The following LARS1 variants were observed in gnomAD, a reference collection of about 807,000 sequenced individuals.
The protein encoded by LARS1 is leucine--tRNA ligase, cytoplasmic.
Under a neutral mutation model 162.8 loss-of-function variants are expected in LARS1, and 100 were observed. That is an observed-to-expected ratio of 0.61 (90% CI 0.52 to 0.73). LARS1 has a LOEUF of 0.73. Ranked by LOEUF, LARS1 falls within the 30% of genes least tolerant of loss-of-function variation. The pLI is 0.00. For synonymous variants in LARS1, 457 were observed against 462.8 expected (o/e 0.99, Z 0.16); for missense variants, 1,258 against 1,408.9 (o/e 0.89, Z 1.71).
intron 20 of LARS1, 130 bp downstream of exon 20, chr5:146,142,742 A>T: frequency 1.4e-6 from 1 of 705,428 alleles, no homozygotes; most frequent in Non-Finnish European, 2.3e-6. Flanking sequence ...GTACATATTT[A>T]AGATAAGAAA....
At position 146,159,329 on chromosome 5, in the gene LARS1, T is replaced by G; in HGVS notation, c.771+78A>C. ...TCCCTCAGCACTACAAAGAAGTTAT[T>G]TTTAGGTTTCTATTTCTTAAACTCT... On this transcript the variant is annotated intron_variant, in intron 8 of 31. Transcript: ENST00000394434. The G allele has an allele frequency of 3.4e-6, 4 of 1,182,900 alleles. No individual in the cohort carries two copies. The South Asian group carries it at 5.2e-5, about 15-fold the overall frequency. The allele number at this position is 1,182,900 out of a possible 1,614,324, so 73.3% of individuals were successfully genotyped here. A position where few individuals can be genotyped will look rare whatever the true frequency, so the allele number is the denominator to read the frequency against.
At chr5:146,153,871 T>C (rs368247523) in intron 11 of LARS1, 22 bp downstream of exon 11, 250 of 1,607,708 alleles carry the variant, frequency 1.6e-4, no homozygotes, top group Non-Finnish European at 2.0e-4. Flanking sequence ...AAAATATTTC[T>C]AGAAATAAAT....
chr5:146,125,052 A>G (rs1187464900), intron 28 of LARS1, among the ~76,000 whole-genome samples: 1 of 151,808 alleles, frequency 6.6e-6, no homozygotes, highest in Non-Finnish European at 1.5e-5. Context: ...ACATATACAC[A>G]TAACTACTTT....
At chr5:146,156,447 A>C (rs113171930) in intron 10 of LARS1, among the ~76,000 whole-genome samples, 1 of 152,186 alleles carries the variant, frequency 6.6e-6, no homozygotes, top group African/African-American at 2.4e-5. Flanking sequence ...TAATCCCTGC[A>C]CTTTGGGAGG....
chr5:146,148,387 TAAG>T (rs1320947012), intron 15 of LARS1, among the ~76,000 whole-genome samples: 1 of 152,038 alleles, frequency 6.6e-6, no homozygotes, highest in Non-Finnish European at 1.5e-5. Flanking sequence ...TTGAACTGAG[TAAG>T]AAAAGAAATA....
rs531865973 is a variant in LARS1 at position 146,114,101 on chromosome 5, T to C, written c.*5A>G. On this transcript the variant is annotated 3_prime_UTR_variant, in exon 32 of 32. Coordinates refer to ENST00000394434, the MANE Select transcript of LARS1 (RefSeq NM_020117.11). ...AACCAGGATAAATCTCCAATGTGCA[T>C]GAGTTTAATGAACCAGATAGATTAT... 2 of 1,604,340 alleles carry C rather than the reference T, an allele frequency of 1.2e-6. No homozygotes were observed. Among genetic ancestry groups the C allele is most frequent in the African/African-American group, 2.7e-5 (2 of 74,814 alleles).
intron 30 of LARS1, among the ~76,000 whole-genome samples, chr5:146,121,545 G>A (rs1040402652): frequency 4.6e-5 from 7 of 152,004 alleles, no homozygotes; most frequent in East Asian, 1.9e-4. Flanking sequence ...ACTGCAGCAC[G>A]GGCCACAATA....
chr5:146,149,869 C>T (rs780415564), intron 14 of LARS1, among the ~76,000 whole-genome samples, 170 bp from the exon 15 acceptor site: 8 of 151,116 alleles, frequency 5.3e-5, no homozygotes, highest in African/African-American at 1.2e-4. Context: ...GCATGGATAA[C>T]TAATATTTAT....
At chr5:146,158,823 A>G (rs901871175) in intron 8 of LARS1, among the ~76,000 whole-genome samples, 3 of 152,148 alleles carry the variant, frequency 2.0e-5, no homozygotes, top group East Asian at 1.9e-4. Flanking sequence ...GAGGCCGGGC[A>G]CGGTGGCTCA....
intron 6 of LARS1, among the ~76,000 whole-genome samples, chr5:146,161,364 T>G (rs937131798): frequency 6.6e-6 from 1 of 152,146 alleles, no homozygotes; most frequent in East Asian, 1.9e-4. Flanking sequence ...CCATTGACTC[T>G]TCCTTTCACA....
chr5:146,144,875 T>C (rs182950450), intron 15 of LARS1, 166 bp from the exon 16 acceptor site: 5 of 615,178 alleles, frequency 8.1e-6, no homozygotes, highest in Admixed American at 3.0e-5. Flanking sequence ...CTACCTTTCC[T>C]TCTATGTAAC....
intron 5 of LARS1, among the ~76,000 whole-genome samples, chr5:146,166,031 T>G (rs1177020027): frequency 6.6e-6 from 1 of 152,208 alleles, no homozygotes; most frequent in Non-Finnish European, 1.5e-5. Flanking sequence ...TGTGTATGCA[T>G]GGCTTAGCAG....
intron 22 of LARS1, 53 bp downstream of exon 22, chr5:146,135,548 A>G: frequency 7.7e-7 from 1 of 1,304,054 alleles, no homozygotes; most frequent in Non-Finnish European, 1.1e-6. Flanking sequence ...CGTGTCTTCT[A>G]TAATCTGAGA....
intron 10 of LARS1, among the ~76,000 whole-genome samples, chr5:146,156,539 C>A (rs558558530): frequency 6.3e-4 from 95 of 151,836 alleles, no homozygotes; most frequent in African/African-American, 2.1e-3. Context: ...ACTAAAAATA[C>A]AAAAAATTAG....
intron 25 of LARS1, 107 bp from the exon 26 acceptor site, chr5:146,129,225 T>C (rs1457169473): frequency 3.1e-6 from 3 of 969,860 alleles, no homozygotes; most frequent in Non-Finnish European, 4.4e-6. Context: ...TGTAATTGTG[T>C]GCTCAGAGTT....
intron 28 of LARS1, among the ~76,000 whole-genome samples, chr5:146,124,888 G>A (rs1366139626): frequency 6.6e-6 from 1 of 151,582 alleles, no homozygotes; most frequent in African/African-American, 2.4e-5. Context: ...AATTTGCCTG[G>A]CAAATCACCA....
chr5:146,158,904 G>A lies in LARS1; in HGVS notation c.771+503C>T, dbSNP rs984388727. Among the ~76,000 whole-genome samples the A allele has an allele frequency of 5.3e-5, 8 of 152,192 alleles. No homozygotes were observed. The South Asian group carries it at 1.5e-3, about 28-fold the overall frequency. ...GAGGTCAGGAGATCGAGACCATCCTGGCTAACACGGTGAAACCCCGTCTCT... is the reference window on the plus strand; with the variant it reads ...GAGGTCAGGAGATCGAGACCATCCTAGCTAACACGGTGAAACCCCGTCTCT... On this transcript the variant is annotated intron_variant, in intron 8 of 31. Transcript: ENST00000394434.
chr5:146,144,333 T>C lies in LARS1; in HGVS notation c.1672A>G (p.Arg558Gly). ...CCTAAGGTGGCTTCAAAATTCCTCC[T>C]GGTCTCCTCACAGAATCTAGAAAAG... ...KNLETFCEETRRNFEATLGWL... is the reference protein window; with the variant it reads ...KNLETFCEETGRNFEATLGWL... The change falls in exon 18 of 32, where the codon AGG becomes GGG. Residue 558 changes from arginine to glycine, a missense_variant. Transcript: ENST00000394434. 1 of 1,613,500 alleles carries C rather than the reference T, an allele frequency of 6.2e-7. No homozygotes were observed.
Position 146,122,882 on chromosome 5 carries a change from AC to A in LARS1, c.3097-296del, listed in dbSNP as rs370195807. Among the ~76,000 whole-genome samples the A allele has an allele frequency of 2.6e-4, 39 of 152,160 alleles. 4 individuals are homozygous for A. The East Asian group carries it at 7.5e-3, about 29-fold the overall frequency. On this transcript the variant is annotated intron_variant, in intron 29 of 31. Transcript: ENST00000394434. Reference sequence around the variant, plus strand: ...ATGAAAATCAGCATAAGAGGCTTCCACTTAAGACAAATGGAAGTTCAGAAAT... The same window carrying A: ...ATGAAAATCAGCATAAGAGGCTTCCATTAAGACAAATGGAAGTTCAGAAAT...
Sources: allele counts gnomAD v4.1 joint callset (sites outside exome capture counted in the v4.1 genomes callset), GRCh38; gene constraint gnomAD v4.1.1; transcripts MANE v1.5; gene names NCBI Gene and HGNC (gene_info 2026-07-23, HGNC 2026-07-21).